ZDHHC11B: variants seen among roughly 807,000 people sequenced by gnomAD.
ZDHHC11B encodes the protein probable palmitoyltransferase ZDHHC11B.
Under a neutral mutation model 42.3 loss-of-function variants are expected in ZDHHC11B, and 17 were observed. That is an observed-to-expected ratio of 0.40 (90% CI 0.27 to 0.60). The LOEUF (loss-of-function observed/expected upper bound fraction) is 0.60. Ranked by LOEUF, ZDHHC11B falls within the 20% of genes least tolerant of loss-of-function variation. ZDHHC11B has a pLI of 0.41. For synonymous variants in ZDHHC11B, 123 were observed against 193.5 expected (o/e 0.64, Z 3.02); for missense variants, 262 against 463.2 (o/e 0.57, Z 3.99).
intron 3 of ZDHHC11B, 100 bp from the exon 4 acceptor site, chr5:767,019 A>C: frequency 1.4e-6 from 2 of 1,392,426 alleles, no homozygotes; most frequent in Non-Finnish European, 2.0e-6. Context: ...CATGGCCCCC[A>C]GGACCAGCAC....
chr5:760,172 T>G (rs1734410177), intron 4 of ZDHHC11B, among the ~76,000 whole-genome samples: 1 of 151,476 alleles, frequency 6.6e-6, no homozygotes. Context: ...AGAGAAGGGA[T>G]TCTAACAGCA....
intron 1 of ZDHHC11B, among the ~76,000 whole-genome samples, chr5:772,775 C>A (rs1346942290): frequency 6.6e-6 from 1 of 151,774 alleles, no homozygotes; most frequent in Non-Finnish European, 1.5e-5. Context: ...CAGACGCCAG[C>A]TGCCAGAAAT....
intron 4 of ZDHHC11B, among the ~76,000 whole-genome samples, chr5:760,931 C>T (rs2127157422): frequency 6.6e-6 from 1 of 151,650 alleles, no homozygotes; most frequent in East Asian, 1.9e-4. Context: ...CAGCTTCAAC[C>T]ACACAGACCC....
rs565036853 is a variant in ZDHHC11B at position 725,173 on chromosome 5, C to T, written c.1058+5261G>A. 1.1e-3 allele frequency among the ~76,000 whole-genome samples: 173 copies of T among 151,372 alleles called. 1 individual carries two copies. Among genetic ancestry groups the T allele is most frequent in the African/African-American group, 3.9e-3 (158 of 40,984 alleles). On this transcript the variant is annotated intron_variant, in intron 12 of 13. Transcript: ENST00000508859. ...TGTGAGTGAGATCTCACTCTCAACT[C>T]CCTGCCTTGTGAGGACAAGCAGAGG...
chr5:744,920 A>C (rs586501), intron 9 of ZDHHC11B, among the ~76,000 whole-genome samples: 99,556 of 142,416 alleles, frequency 0.7, 32,722 homozygotes, highest in Middle Eastern at 0.82. Flanking sequence ...GAAGATGTAT[A>C]GTGCAGTATA....
At chr5:777,531 G>T (rs755799917) in intron 1 of ZDHHC11B, among the ~76,000 whole-genome samples, 3 of 151,886 alleles carry the variant, frequency 2.0e-5, no homozygotes, top group African/African-American at 7.3e-5. Flanking sequence ...CCACAGCGGA[G>T]AAGAGAATGG....
At chr5:713,121 G>A (rs631088) in intron 13 of ZDHHC11B, among the ~76,000 whole-genome samples, 76,332 of 146,940 alleles carry the variant, frequency 0.52, 17,910 homozygotes, top group Middle Eastern at 0.59. Context: ...TTCTCTTTCT[G>A]GGACTCTAAA....
intron 11 of ZDHHC11B, among the ~76,000 whole-genome samples, chr5:732,865 G>T (rs1561126533): frequency 6.6e-6 from 1 of 151,844 alleles, no homozygotes; most frequent in Non-Finnish European, 1.5e-5. Context: ...CTGGACAAGA[G>T]AGTGAGATCC....
At chr5:714,189 A>G (rs547694471) in intron 13 of ZDHHC11B, among the ~76,000 whole-genome samples, 65 of 130,818 alleles carry the variant, frequency 5.0e-4, no homozygotes, top group African/African-American at 2.2e-3. Context: ...TTGCCACATG[A>G]CTAGAACCTC....
intron 1 of ZDHHC11B, among the ~76,000 whole-genome samples, chr5:783,985 G>A (rs1405424367): frequency 6.6e-6 from 1 of 151,020 alleles, no homozygotes. Flanking sequence ...AGAATAAAGG[G>A]CTCCTCAGAT....
At chr5:733,593 T>A (rs1425114168) in intron 11 of ZDHHC11B, among the ~76,000 whole-genome samples, 159 bp downstream of exon 11, 1 of 151,280 alleles carries the variant, frequency 6.6e-6, no homozygotes, top group Admixed American at 6.6e-5. Context: ...CCATCTCTCT[T>A]CTGTGCTCCA....
At chr5:729,242 T>G (rs1047810681) in intron 12 of ZDHHC11B, among the ~76,000 whole-genome samples, 1 of 151,126 alleles carries the variant, frequency 6.6e-6, no homozygotes, top group Non-Finnish European at 1.5e-5. Flanking sequence ...CTGAATAATG[T>G]CGGCCGTGTC....
intron 11 of ZDHHC11B, among the ~76,000 whole-genome samples, chr5:733,298 T>C (rs1743185148): frequency 6.6e-6 from 1 of 151,680 alleles, no homozygotes; most frequent in Non-Finnish European, 1.5e-5. Flanking sequence ...CACTTGTACG[T>C]GTGACCACAC....
At chr5:753,099 C>T (rs1331088192) in intron 6 of ZDHHC11B, among the ~76,000 whole-genome samples, 2 of 128,746 alleles carry the variant, frequency 1.6e-5, no homozygotes, top group Non-Finnish European at 3.5e-5. Flanking sequence ...GCAGTCTTCC[C>T]AGGACACCAG....
chr5:747,921 T>A (rs2127071420), intron 8 of ZDHHC11B: 1 of 307,500 alleles, frequency 3.3e-6, no homozygotes. Context: ...CGCCTACCGC[T>A]GTGCCCACTG....
At chr5:766,163 C>T (rs1250782504) in intron 4 of ZDHHC11B, among the ~76,000 whole-genome samples, 1 of 151,820 alleles carries the variant, frequency 6.6e-6, no homozygotes, top group Non-Finnish European at 1.5e-5. Flanking sequence ...ACACAGGCTC[C>T]CACCCGCTGG....
intron 12 of ZDHHC11B, among the ~76,000 whole-genome samples, chr5:727,216 T>G (rs2126988984): frequency 7.5e-6 from 1 of 133,792 alleles, no homozygotes; most frequent in South Asian, 2.7e-4. Context: ...ACTCTGGCGC[T>G]GCCCCCAGCA....
At chr5:751,716 C>T (rs1429725624) in intron 6 of ZDHHC11B, among the ~76,000 whole-genome samples, 1 of 128,306 alleles carries the variant, frequency 7.8e-6, no homozygotes, top group African/African-American at 2.5e-5. Flanking sequence ...CCTGGAAGCT[C>T]AGGCTCCTGT....
chr5:760,416 C>T (rs1327363253), intron 4 of ZDHHC11B, among the ~76,000 whole-genome samples: 3 of 151,706 alleles, frequency 2.0e-5, no homozygotes, highest in Admixed American at 6.6e-5. Flanking sequence ...CACGAGAAGA[C>T]GAGCCACAGA....
Sources: allele counts gnomAD v4.1 joint callset (sites outside exome capture counted in the v4.1 genomes callset), GRCh38; gene constraint gnomAD v4.1.1; transcripts MANE v1.5; gene names NCBI Gene and HGNC (gene_info 2026-07-23, HGNC 2026-07-21).